Variants in EPB41L1 observed in about 807,000 individuals in gnomAD.
EPB41L1 encodes the protein band 4.1-like protein 1.
EPB41L1 carries 29 observed loss-of-function variants against 97.8 expected under a neutral mutation model. The ratio of observed to expected loss-of-function variants is 0.30; its 90% CI spans 0.22 to 0.40. The LOEUF is 0.40. EPB41L1 is among the 10% of genes least tolerant of loss of function. The probability of loss-of-function intolerance (pLI) is 1.00; values close to 1 mark genes in which losing one functional copy is unlikely to be tolerated. For missense variants in EPB41L1, 812 were observed against 1,162.3 expected (o/e 0.70, Z 4.38); for synonymous variants, 383 against 459.2 (o/e 0.83, Z 2.12).
chr20:36,189,232 G>A lies in EPB41L1; in HGVS notation c.1026+733G>A, dbSNP rs564373634. Among the ~76,000 whole-genome samples the A allele has an allele frequency of 3.7e-4, 56 of 152,104 alleles. 1 individual carries two copies. The Middle Eastern group carries it at 0.017, about 46-fold the overall frequency. ...TGTGCCTATGAGGGCCTTCTCCCTC[G>A]CCTCTGGTGCTCTCCAGGTCATTTT... is the stretch of plus-strand genomic sequence containing the variant. On this transcript the variant is annotated intron_variant, in intron 9 of 21. Transcript: ENST00000338074.
intron 11 of EPB41L1, among the ~76,000 whole-genome samples, chr20:36,191,008 A>G (rs1249897076): frequency 6.6e-6 from 1 of 152,110 alleles, no homozygotes; most frequent in Non-Finnish European, 1.5e-5. Flanking sequence ...GAGATGTGAT[A>G]CTACCACTCT....
chr20:36,181,350 T>C (rs2061465614), intron 5 of EPB41L1, among the ~76,000 whole-genome samples: 1 of 152,236 alleles, frequency 6.6e-6, no homozygotes, highest in African/African-American at 2.4e-5. Context: ...GACCACCCCT[T>C]CTCTGGGCTT....
intron 16 of EPB41L1, among the ~76,000 whole-genome samples, chr20:36,213,516 C>G (rs2063261798): frequency 6.6e-6 from 1 of 152,168 alleles, no homozygotes; most frequent in African/African-American, 2.4e-5. Flanking sequence ...AGGCCGTCTA[C>G]TACAGGTCAG....
In EPB41L1 at chr20:36,187,769, A is replaced by G; in HGVS notation, c.873+6A>G. ...TAGACCTGCACCATGCCAAGGTACC[A>G]CCAGCTTCCTGGGTTCCCCTAGTGT... On this transcript the variant is annotated splice_donor_region_variant and intron_variant, in intron 8 of 21. Transcript: ENST00000338074. 1.2e-6 allele frequency: 2 copies of G among 1,613,152 alleles called. No individual in the cohort carries two copies. The highest frequency in any genetic ancestry group is 1.7e-6 in the Non-Finnish European group (2 of 1,179,514).
intron 1 of EPB41L1, among the ~76,000 whole-genome samples, chr20:36,170,134 A>G (rs2060925112): frequency 6.6e-6 from 1 of 152,186 alleles, no homozygotes; most frequent in Non-Finnish European, 1.5e-5. Context: ...TAAAGATTTC[A>G]TCATAGATTT....
intron 3 of EPB41L1, 32 bp from the exon 4 acceptor site, chr20:36,177,920 C>T (rs1177436681): frequency 1.3e-6 from 2 of 1,578,558 alleles, no homozygotes; most frequent in Non-Finnish European, 8.7e-7. Context: ...GGGTGTGCTT[C>T]AGCCTCATAG....
At chr20:36,177,541 C>A (rs2061299983) in intron 3 of EPB41L1, among the ~76,000 whole-genome samples, 1 of 152,222 alleles carries the variant, frequency 6.6e-6, no homozygotes, top group African/African-American at 2.4e-5. Context: ...CCCCTGCCCG[C>A]TTCTGTCATA....
chr20:36,093,708 T>C lies in EPB41L1; in HGVS notation c.-65+2096T>C, dbSNP rs966878576. Among the ~76,000 whole-genome samples, 21 of 151,190 alleles carry C rather than the reference T, an allele frequency of 1.4e-4. No individual in the cohort carries two copies. Among genetic ancestry groups the C allele is most frequent in the Non-Finnish European group, 2.8e-4 (19 of 67,718 alleles). On this transcript the variant is annotated intron_variant, in intron 1 of 19. Coordinates refer to the EPB41L1 transcript ENST00000202028. This position sits in a 1 kb window ranked among gnomAD's most constrained non-coding sequence, Gnocchi z 5.4. ...GCGTGCGTGTGTGTGTGTGTGTATG[T>C]GTATGCGTGCGCGCGCGTGTGTGGA... is the stretch of plus-strand genomic sequence containing the variant.
At chr20:36,203,811 A>T (rs1446565213) in intron 14 of EPB41L1, among the ~76,000 whole-genome samples, 1 of 152,046 alleles carries the variant, frequency 6.6e-6, no homozygotes, top group African/African-American at 2.4e-5. Flanking sequence ...GATTATTTTA[A>T]TGGGTTCTGA....
intron 15 of EPB41L1, among the ~76,000 whole-genome samples, chr20:36,210,102 T>C (rs2063048156): frequency 6.6e-6 from 1 of 152,160 alleles, no homozygotes; most frequent in African/African-American, 2.4e-5. Context: ...TCCTTGGTAT[T>C]TTAACCCTGT....
chr20:36,221,697 G>A (rs1209587161), intron 19 of EPB41L1, among the ~76,000 whole-genome samples, 167 bp from the exon 20 acceptor site: 2 of 152,188 alleles, frequency 1.3e-5, no homozygotes, highest in Non-Finnish European at 2.9e-5. Flanking sequence ...GGCAAGATCT[G>A]CAGTTCAAAG....
At position 36,176,511 on chromosome 20, in the gene EPB41L1, C is replaced by T. The variant is rs138163802; in HGVS notation, c.342+796C>T. Reference sequence around the variant, plus strand: ...ATATATAGGAGCTGCCCCCTTTTCTCTCCCATGCACTGATTTTAGGGATGT... The same window carrying T: ...ATATATAGGAGCTGCCCCCTTTTCTTTCCCATGCACTGATTTTAGGGATGT... On this transcript the variant is annotated intron_variant, in intron 3 of 21. Coordinates refer to ENST00000338074, the MANE Select transcript of EPB41L1 (RefSeq NM_012156.2). Among the ~76,000 whole-genome samples, 525 of 152,336 alleles carry T rather than the reference C, an allele frequency of 3.4e-3. 6 individuals are homozygous for T. Among genetic ancestry groups the T allele is most frequent in the African/African-American group, 0.012 (505 of 41,568 alleles).
rs938580786 is a variant in EPB41L1 at position 36,207,510 on chromosome 20, A to G, written c.1669-1978A>G. 9.3e-6 allele frequency: 12 copies of G among 1,289,880 alleles called. No homozygotes were observed. Among genetic ancestry groups the G allele is most frequent in the Admixed American group, 2.3e-5 (1 of 43,566 alleles). The allele number at this position is 1,289,880 out of a possible 1,614,324, so 79.9% of individuals were successfully genotyped here. On this transcript the variant is annotated intron_variant, in intron 14 of 21. Transcript: ENST00000338074. This position sits in a 1 kb window ranked among gnomAD's most constrained non-coding sequence, Gnocchi z 4.9. ...CTCGCCGAATGAGTGAGGGTGAAGC[A>G]AGGTCCCTTCCAAATGACGTATCTT...
chr20:36,177,801 A>C, intron 3 of EPB41L1, 151 bp from the exon 4 acceptor site: 2 of 695,100 alleles, frequency 2.9e-6, no homozygotes, highest in East Asian at 2.7e-5. Flanking sequence ...CTCAGAGGGC[A>C]GAGCCAAGTG....
intron 1 of EPB41L1, among the ~76,000 whole-genome samples, chr20:36,099,485 A>G (rs576355243): frequency 1.3e-5 from 2 of 152,246 alleles, no homozygotes; most frequent in African/African-American, 4.8e-5. Context: ...TGTAGCTGTG[A>G]TTTTTAATTA....
At chr20:36,113,737 A>T (rs1015574840) in intron 2 of EPB41L1, 1 of 152,596 alleles carries the variant, frequency 6.6e-6, no homozygotes, top group Non-Finnish European at 1.5e-5. Context: ...AGTTCCCGGG[A>T]GGGAGCCTGC....
At chr20:36,128,441 G>C (rs1262212592) in intron 2 of EPB41L1, among the ~76,000 whole-genome samples, 1 of 152,198 alleles carries the variant, frequency 6.6e-6, no homozygotes, top group Non-Finnish European at 1.5e-5. Context: ...GGGGGAGGCT[G>C]TGTGTCAGAG....
chr20:36,166,133 G>C (rs1306730549), intron 1 of EPB41L1, among the ~76,000 whole-genome samples: 1 of 152,248 alleles, frequency 6.6e-6, no homozygotes, highest in Non-Finnish European at 1.5e-5. Context: ...TCCATCCTCA[G>C]TTGGGTAGAC....
chr20:36,209,571 C>T lies in EPB41L1; in HGVS notation c.1752C>T (p.Asp584=), dbSNP rs2146798226. The change falls in exon 15 of 22, where the codon GAC becomes GAT. Residue 584 remains aspartate (D), a synonymous_variant. Transcript: ENST00000338074. The surrounding 1 kb of genome is among the most constrained non-coding windows in gnomAD (Gnocchi z 4.2). ...CAGAGAGTGACACAGGCGATGAGGACCAGGACCAGGAGAGGGACACGGTGT... is the reference window on the plus strand; with the variant it reads ...CAGAGAGTGACACAGGCGATGAGGATCAGGACCAGGAGAGGGACACGGTGT... The part of the protein sequence containing the change: ...RAPESDTGDE[D]QDQERDTVFL... The T allele has an allele frequency of 6.2e-7, 1 of 1,614,100 alleles. No homozygotes were observed. The highest frequency in any genetic ancestry group is 1.1e-5 in the South Asian group (1 of 91,080).
Sources: allele counts gnomAD v4.1 joint callset (sites outside exome capture counted in the v4.1 genomes callset), GRCh38; gene constraint gnomAD v4.1.1; non-coding constraint Gnocchi (gnomAD v3.1); transcripts MANE v1.5; gene names NCBI Gene and HGNC (gene_info 2026-07-23, HGNC 2026-07-21).